FHIT: variants seen among roughly 807,000 people sequenced by gnomAD.
The protein encoded by FHIT is fragile histidine triad diadenosine triphosphatase, also known as bis(5'-adenosyl)-triphosphatase.
In FHIT, 19 loss-of-function variants were observed where a neutral mutation model predicts 17.9. That is an observed-to-expected ratio of 1.06 (90% CI 0.74 to 1.56). FHIT has a LOEUF of 1.56. Ranked by LOEUF, FHIT falls within the 40% of genes most tolerant of loss-of-function variation. The probability of loss-of-function intolerance (pLI) is 0.00; values close to 1 mark genes in which losing one functional copy is unlikely to be tolerated. For missense variants in FHIT, 248 were observed against 189.2 expected (o/e 1.31, Z -1.82); for synonymous variants, 81 against 69.7 (o/e 1.16, Z -0.81).
chr3:60,607,062 A>G (rs1249578575), intron 4 of FHIT, among the ~76,000 whole-genome samples: 3 of 152,136 alleles, frequency 2.0e-5, no homozygotes, highest in Non-Finnish European at 4.4e-5. Context: ...TTCAAGCTAA[A>G]GCCGGGTTCT....
intron 3 of FHIT, among the ~76,000 whole-genome samples, chr3:60,837,472 T>C (rs2106845354): frequency 6.6e-6 from 1 of 152,302 alleles, no homozygotes; most frequent in Admixed American, 6.5e-5. Context: ...TTTCCCATTA[T>C]TTTACTTTCG....
chr3:60,819,155 G>C (rs1337104771), intron 4 of FHIT, among the ~76,000 whole-genome samples: 2 of 151,224 alleles, frequency 1.3e-5, no homozygotes, highest in Non-Finnish European at 2.9e-5. Context: ...AAAACATTTA[G>C]GAAACATTCC....
chr3:60,619,147 A>G lies in FHIT; in HGVS notation c.-17-82168T>C, dbSNP rs147885369. The stretch of plus-strand genomic sequence containing the variant: ...GCATTATAGGTGGTCACAAAATACA[A>G]TCCTTTAGTATCATGTATTTTTTCC... On this transcript the variant is annotated intron_variant, in intron 4 of 9. Coordinates refer to ENST00000492590, the MANE Select transcript of FHIT (RefSeq NM_002012.4). Among the ~76,000 whole-genome samples the G allele has an allele frequency of 3.5e-4, 53 of 152,310 alleles. No homozygotes were observed. The East Asian group carries it at 8.1e-3, about 23-fold the overall frequency.
chr3:60,314,755 T>C (rs1459269856), intron 5 of FHIT, among the ~76,000 whole-genome samples: 1 of 152,058 alleles, frequency 6.6e-6, no homozygotes, highest in Non-Finnish European at 1.5e-5. Context: ...TCCTTCTCCC[T>C]GAGTAAGGTG....
At chr3:61,000,075 G>A (rs562196581) in intron 3 of FHIT, among the ~76,000 whole-genome samples, 170 of 152,262 alleles carry the variant, frequency 1.1e-3, no homozygotes, top group African/African-American at 4.0e-3. Context: ...AATGTTGGGG[G>A]TACACAAACA....
chr3:60,407,481 A>C (rs1701908664), intron 5 of FHIT, among the ~76,000 whole-genome samples: 1 of 152,150 alleles, frequency 6.6e-6, no homozygotes, highest in African/African-American at 2.4e-5. Context: ...AGTTTAGATA[A>C]TATTCAATGG....
At chr3:60,632,213 T>C (rs2039463619) in intron 4 of FHIT, among the ~76,000 whole-genome samples, 2 of 151,690 alleles carry the variant, frequency 1.3e-5, no homozygotes, top group Non-Finnish European at 2.9e-5. Context: ...CCTCTAAGAG[T>C]GGTTAGTGGT....
At chr3:60,081,958 T>C (rs779572846) in intron 5 of FHIT, among the ~76,000 whole-genome samples, 1 of 152,114 alleles carries the variant, frequency 6.6e-6, no homozygotes, top group Non-Finnish European at 1.5e-5. Context: ...CATTGTCTAC[T>C]TATCTGTTTT....
In FHIT at chr3:60,345,635, T is replaced by C. The variant is rs886311576; in HGVS notation, c.103+191225A>G. On this transcript the variant is annotated intron_variant, in intron 5 of 9. Transcript: ENST00000492590. ...GTTTCCATTGTCAAAATCATGAAAG[T>C]AGACTATCGTCTCAAGATAGAAACA... Among the ~76,000 whole-genome samples the C allele has an allele frequency of 4.6e-5, 7 of 152,314 alleles. No homozygotes were observed. The East Asian group carries it at 7.7e-4, about 17-fold the overall frequency.
rs181103909 is a variant in FHIT, at chr3:60,129,015, A to G, written c.104-114863T>C. On this transcript the variant is annotated intron_variant, in intron 5 of 9. Coordinates refer to ENST00000492590, the MANE Select transcript of FHIT (RefSeq NM_002012.4). ...CACACCTTTCCTTCCTGGTTACTCT[A>G]TACTTAATTTTCCCTTTTCTTCTTT... 1.0e-4 allele frequency among the ~76,000 whole-genome samples: 15 copies of G among 143,864 alleles called. No individual in the cohort carries two copies. In the East Asian group the frequency reaches 2.4e-3, roughly 23 times the overall value. 94.4% of individuals were successfully genotyped at this position (143,864 alleles called of 152,430 possible). A position where few individuals can be genotyped will look rare whatever the true frequency, so the allele number is the denominator to read the frequency against.
intron 4 of FHIT, among the ~76,000 whole-genome samples, chr3:60,621,408 C>G (rs2039125834): frequency 6.6e-6 from 1 of 152,012 alleles, no homozygotes; most frequent in African/African-American, 2.4e-5. Flanking sequence ...CTCAGCCTCC[C>G]AAAGTGCTGG....
chr3:60,652,250 C>A (rs1482840771), intron 4 of FHIT, among the ~76,000 whole-genome samples: 1 of 152,190 alleles, frequency 6.6e-6, no homozygotes, highest in Non-Finnish European at 1.5e-5. Flanking sequence ...AGGCCAAGCA[C>A]CAGCTTCAAG....
intron 7 of FHIT, among the ~76,000 whole-genome samples, chr3:60,000,376 G>A (rs1334462401): frequency 1.3e-5 from 2 of 152,190 alleles, no homozygotes; most frequent in Non-Finnish European, 1.5e-5. Context: ...GCTTATTTGT[G>A]ACAATTCATT....
At chr3:60,184,724 G>C (rs1307161223) in intron 5 of FHIT, among the ~76,000 whole-genome samples, 2 of 152,102 alleles carry the variant, frequency 1.3e-5, no homozygotes, top group African/African-American at 4.8e-5. Context: ...TGAGAGCTAG[G>C]CTCCAGCTCC....
At chr3:61,032,601 C>T (rs553692793) in intron 3 of FHIT, among the ~76,000 whole-genome samples, 1 of 152,238 alleles carries the variant, frequency 6.6e-6, no homozygotes, top group African/African-American at 2.4e-5. Flanking sequence ...TATTAAGATA[C>T]TGGAAGTAAG....
intron 2 of FHIT, among the ~76,000 whole-genome samples, chr3:61,147,370 G>A (rs1006403743): frequency 3.3e-5 from 5 of 151,936 alleles, no homozygotes; most frequent in African/African-American, 7.2e-5. Flanking sequence ...TAGACTACAC[G>A]TTTTTCCATT....
intron 4 of FHIT, among the ~76,000 whole-genome samples, chr3:60,712,382 A>C (rs1440697876): frequency 2.6e-5 from 4 of 152,290 alleles, no homozygotes; most frequent in Non-Finnish European, 5.9e-5. Flanking sequence ...CAAGCAAAAT[A>C]ACCAGCTAAC....
chr3:59,952,888 T>G (rs1441487865), intron 7 of FHIT, among the ~76,000 whole-genome samples: 1 of 152,044 alleles, frequency 6.6e-6, no homozygotes, highest in African/African-American at 2.4e-5. Flanking sequence ...CGGCAGCCAG[T>G]GAAGAGGAGA....
intron 5 of FHIT, among the ~76,000 whole-genome samples, chr3:60,387,023 C>CTTTTTTTTTTTTTTTT (rs71627536): frequency 7.3e-6 from 1 of 136,408 alleles, no homozygotes; most frequent in African/African-American, 2.7e-5. Context: ...TCTATTTATT[C>CTTTTTTTTTTTTTTTT]TTTTTTTTTT....
Sources: gnomAD v4.1 joint callset for allele counts (sites outside exome capture counted in the v4.1 genomes callset) on GRCh38, gnomAD v4.1.1 for gene constraint, MANE v1.5 for transcripts, NCBI Gene and HGNC (gene_info 2026-07-23, HGNC 2026-07-21) for gene names.